ARHGAP35: variants seen among roughly 807,000 people sequenced by gnomAD.
The protein encoded by ARHGAP35 is Rho GTPase activating protein 35.
In ARHGAP35, 15 loss-of-function variants were observed where a neutral mutation model predicts 111.1. That is an observed-to-expected ratio of 0.13 (90% CI 0.09 to 0.21). The LOEUF is 0.21. Among genes scored for constraint, ARHGAP35 ranks in the 10% least tolerant of loss-of-function variants. ARHGAP35 has a pLI of 1.00. For missense variants in ARHGAP35, 1,262 were observed against 1,873.0 expected (o/e 0.67, Z 6.02); for synonymous variants, 643 against 710.3 (o/e 0.91, Z 1.51).
chr19:47,000,604 G>C lies in ARHGAP35; in HGVS notation c.4416G>C (p.Ser1472=), dbSNP rs185820645. Residue 1472 remains serine, a synonymous_variant, in exon 7 of 7, where the codon TCG becomes TCC. Transcript: ENST00000672722. The surrounding 1 kb of genome is among the most constrained non-coding windows in gnomAD (Gnocchi z 6.9). ...LTSTPVTSQP[S]PPQSPPPTPQ... Reference sequence around the variant, plus strand: ...CCACGCCTGTCACAAGTCAGCCGTCGCCCCCACAGTCGCCTCCACCCACCC... The same window carrying C: ...CCACGCCTGTCACAAGTCAGCCGTCCCCCCCACAGTCGCCTCCACCCACCC... 1 of 1,611,788 alleles carries C rather than the reference G, an allele frequency of 6.2e-7. No homozygotes were observed. The highest frequency in any genetic ancestry group is 1.7e-5 in the Admixed American group (1 of 59,832).
chr19:46,998,300 G>T (rs2056726211), intron 5 of ARHGAP35, among the ~76,000 whole-genome samples: 1 of 152,160 alleles, frequency 6.6e-6, no homozygotes, highest in Admixed American at 6.5e-5. Flanking sequence ...CACCCCCACA[G>T]CCGCCAGCTG....
At chr19:46,927,346 A>G (rs1271062436) in intron 2 of ARHGAP35, among the ~76,000 whole-genome samples, 1 of 152,176 alleles carries the variant, frequency 6.6e-6, no homozygotes, top group African/African-American at 2.4e-5. Flanking sequence ...CATTTTGAAT[A>G]TTACCAGAGG....
At chr19:46,915,974 C>T (rs913539422) in intron 1 of ARHGAP35, among the ~76,000 whole-genome samples, 9 of 136,268 alleles carry the variant, frequency 6.6e-5, no homozygotes, top group African/African-American at 2.5e-4. Context: ...CTCGCTCTGT[C>T]GCACAGGCTG....
rs1274733461 is a variant in ARHGAP35 at position 46,993,509 on chromosome 19, C to T, written c.4036+3834C>T. On this transcript the variant is annotated intron_variant, in intron 5 of 6. Transcript: ENST00000672722. This position sits in a 1 kb window ranked among gnomAD's most constrained non-coding sequence, Gnocchi z 4.6. ...GTTTGACCTTGGACCGGTATTCTGG[C>T]TTTGTGAGGCCTGGTGTGTCTGTTT... is the stretch of plus-strand genomic sequence containing the variant. 6.6e-6 allele frequency among the ~76,000 whole-genome samples: 1 copy of T among 152,172 alleles called. No homozygotes were observed. Among genetic ancestry groups the T allele is most frequent in the Admixed American group, 6.5e-5 (1 of 15,282 alleles).
intron 3 of ARHGAP35, among the ~76,000 whole-genome samples, chr19:46,974,544 C>T (rs1365087073): frequency 2.6e-5 from 4 of 152,134 alleles, no homozygotes; most frequent in Non-Finnish European, 2.9e-5. Context: ...GCAAGGGCGG[C>T]GATTCACCAG....
chr19:46,865,383 G>C (rs1019637562), intron 1 of ARHGAP35, among the ~76,000 whole-genome samples: 2 of 152,000 alleles, frequency 1.3e-5, no homozygotes, highest in Non-Finnish European at 2.9e-5. Flanking sequence ...CTCCCCACCC[G>C]CCCTTTTACC....
rs113802281 is a variant in ARHGAP35, at chr19:46,965,916, A to G, written c.3827-22073A>G. Among the ~76,000 whole-genome samples the G allele has an allele frequency of 2.0e-5, 3 of 152,346 alleles. 1 individual carries two copies. The highest frequency in any genetic ancestry group is 7.2e-5 in the African/African-American group (3 of 41,580). On this transcript the variant is annotated intron_variant, in intron 3 of 6. Coordinates refer to ENST00000672722, the MANE Select transcript of ARHGAP35 (RefSeq NM_004491.5). ...TGAACACCTGTTATGTGTCAGTTCC[A>G]TTAGATGCTGGAGGCTAAAATATGA...
At position 46,919,526 on chromosome 19, in the gene ARHGAP35, T is replaced by C. The variant is rs746609966; in HGVS notation, c.851T>C (p.Ile284Thr). 1.7e-5 allele frequency: 27 copies of C among 1,613,798 alleles called. No individual in the cohort carries two copies. The highest frequency in any genetic ancestry group is 3.3e-5 in the Admixed American group (2 of 60,004). The change falls in exon 2 of 7, where the codon ATT becomes ACT. Residue 284 changes from isoleucine to threonine, a missense_variant. Around this residue, in one of 8 missense-constraint regions of ARHGAP35, gnomAD observed 328 missense variants for 440.8 expected, o/e 0.74. Transcript: ENST00000672722. This position sits in a 1 kb window ranked among gnomAD's most constrained non-coding sequence, Gnocchi z 6.2. ...AAGTATGAGTGGCTGGTGAGTCGCA[T>C]TGTGAAAAACCACAATGAGAACTGG... ...KDKYEWLVSRIVKNHNENWLS... is the reference protein window; with the variant it reads ...KDKYEWLVSRTVKNHNENWLS...
At chr19:46,944,475 T>C (rs1306549809) in intron 3 of ARHGAP35, among the ~76,000 whole-genome samples, 1 of 152,192 alleles carries the variant, frequency 6.6e-6, no homozygotes, top group Admixed American at 6.5e-5. Context: ...AGTCTGAGTA[T>C]GAGATCATCT....
In ARHGAP35 at chr19:46,901,729, G is replaced by A. The variant is rs2122168327; in HGVS notation, c.-188-16759G>A. Among the ~76,000 whole-genome samples, 2 of 152,292 alleles carry A rather than the reference G, an allele frequency of 1.3e-5. No individual in the cohort carries two copies. Among genetic ancestry groups the A allele is most frequent in the South Asian group, 4.1e-4 (2 of 4,820 alleles). ...GTTGAATTTGAGTGCCCATTCCAAG[G>A]GTAGGCATTGATTGTTATCATTCTG... On this transcript the variant is annotated intron_variant, in intron 1 of 6. Transcript: ENST00000672722. The surrounding 1 kb of genome is among the most constrained non-coding windows in gnomAD (Gnocchi z 4.5).
In ARHGAP35 at chr19:46,918,172, C is replaced by T. The variant is rs907545581; in HGVS notation, c.-188-316C>T. Among the ~76,000 whole-genome samples, 1 of 152,188 alleles carries T rather than the reference C, an allele frequency of 6.6e-6. No homozygotes were observed. The highest frequency in any genetic ancestry group is 2.1e-4 in the South Asian group (1 of 4,824). ...TTTTTTTCTTGCATAAAAAGATGTT[C>T]CAGGCTCATTTTGTCCCTATCCTGC... On this transcript the variant is annotated intron_variant, in intron 1 of 6. Coordinates refer to ENST00000672722, the MANE Select transcript of ARHGAP35 (RefSeq NM_004491.5). The surrounding 1 kb of genome is among the most constrained non-coding windows in gnomAD (Gnocchi z 5.4).
At chr19:46,931,706 A>G (rs2056273911) in intron 2 of ARHGAP35, among the ~76,000 whole-genome samples, 1 of 152,182 alleles carries the variant, frequency 6.6e-6, no homozygotes, top group Non-Finnish European at 1.5e-5. Flanking sequence ...AAGGTGTTTC[A>G]GGCTGGCCCA....
rs888430302 is a variant in ARHGAP35, at chr19:46,908,126, C to T, written c.-188-10362C>T. On this transcript the variant is annotated intron_variant, in intron 1 of 6. Transcript: ENST00000672722. This position sits in a 1 kb window ranked among gnomAD's most constrained non-coding sequence, Gnocchi z 4.2. ...CTGGACGCAGCCTCCACTCTTCTTG[C>T]GTCAGGGACATTTATATAGAGAATG... Among the ~76,000 whole-genome samples, 1 of 152,132 alleles carries T rather than the reference C, an allele frequency of 6.6e-6. No individual in the cohort carries two copies. Among genetic ancestry groups the T allele is most frequent in the Non-Finnish European group, 1.5e-5 (1 of 68,030 alleles).
intron 1 of ARHGAP35, among the ~76,000 whole-genome samples, chr19:46,906,729 T>A (rs2056110436): frequency 6.6e-6 from 1 of 152,218 alleles, no homozygotes; most frequent in South Asian, 2.1e-4. Flanking sequence ...CTTTTATATC[T>A]CCTTAGTCTC....
intron 1 of ARHGAP35, among the ~76,000 whole-genome samples, chr19:46,902,455 G>A (rs1051319007): frequency 2.0e-5 from 3 of 152,128 alleles, no homozygotes; most frequent in Non-Finnish European, 4.4e-5. Flanking sequence ...AGGAATGCAG[G>A]TTTGGGTTAG....
chr19:46,921,078 T>G lies in ARHGAP35; in HGVS notation c.2403T>G (p.Phe801Leu), dbSNP rs776876613. The G allele has an allele frequency of 6.2e-7, 1 of 1,613,916 alleles. No individual in the cohort carries two copies. Among genetic ancestry groups the G allele is most frequent in the Non-Finnish European group, 8.5e-7 (1 of 1,179,914 alleles). ...CTTTTAGTGCAGATGACATACTTTT[T>G]CCTGTCCTTCAGTCCCAAACCTGTA... is the stretch of plus-strand genomic sequence containing the variant. ...GDPFSADDIL[F>L]PVLQSQTCKS... The change falls in exon 2 of 7, where the codon TTT becomes TTG. Residue 801 changes from phenylalanine to leucine, a missense_variant. Coordinates refer to ENST00000672722, the MANE Select transcript of ARHGAP35 (RefSeq NM_004491.5). This position sits in a 1 kb window ranked among gnomAD's most constrained non-coding sequence, Gnocchi z 4.3.
At chr19:46,891,079 G>C (rs1437207557) in intron 1 of ARHGAP35, among the ~76,000 whole-genome samples, 1 of 152,190 alleles carries the variant, frequency 6.6e-6, no homozygotes, top group African/African-American at 2.4e-5. Context: ...TCCAAACCCA[G>C]CTCTGCCACT....
At chr19:46,868,893 ATTTTTTTTTTTTT>A (rs59080309) in intron 1 of ARHGAP35, among the ~76,000 whole-genome samples, 1 of 58,702 alleles carries the variant, frequency 1.7e-5, no homozygotes, top group African/African-American at 7.5e-5. Context: ...GCTCACCGTG[ATTTTTTTTTTTTT>A]TTTTTTTTTT....
rs773633209 is a variant in ARHGAP35, at chr19:46,919,848, C to T, written c.1173C>T (p.Thr391=). 4 of 1,614,038 alleles carry T rather than the reference C, an allele frequency of 2.5e-6. No individual in the cohort carries two copies. The East Asian group carries it at 8.9e-5, about 36-fold the overall frequency. The change falls in exon 2 of 7, where the codon ACC becomes ACT. Residue 391 remains threonine, a synonymous_variant. Transcript: ENST00000672722. This position sits in a 1 kb window ranked among gnomAD's most constrained non-coding sequence, Gnocchi z 6.2. ...VVLEETPWDA[T]SHIDNMENER... ...TTGAAGAGACCCCATGGGATGCCAC[C>T]AGTCACATTGACAACATGGAAAACG...
Sources: allele counts gnomAD v4.1 joint callset (sites outside exome capture counted in the v4.1 genomes callset), GRCh38; gene constraint gnomAD v4.1.1; regional missense constraint gnomAD v4.1.1; non-coding constraint Gnocchi (gnomAD v3.1); transcripts MANE v1.5; gene names NCBI Gene and HGNC (gene_info 2026-07-23, HGNC 2026-07-21).